Variants in NLRP7 observed in about 807,000 individuals in gnomAD.
NLRP7 encodes the protein NACHT, LRR and PYD domains-containing protein 7.
Under a neutral mutation model 85.5 loss-of-function variants are expected in NLRP7, and 72 were observed. That is an observed-to-expected ratio of 0.84 (90% CI 0.70 to 1.02). The LOEUF is 1.02. Among genes scored for constraint, NLRP7 ranks in the 50% least tolerant of loss-of-function variants. The probability of loss-of-function intolerance (pLI) is 0.00; values close to 1 mark genes in which losing one functional copy is unlikely to be tolerated. For synonymous variants in NLRP7, 550 were observed against 505.2 expected (o/e 1.09, Z -1.19); for missense variants, 1,243 against 1,219.5 (o/e 1.02, Z -0.29).
At chr19:54,950,164 G>A (rs892268035), upstream of NLRP7, among the ~76,000 whole-genome samples, 2 of 151,210 alleles carry the variant, frequency 1.3e-5, no homozygotes, top group East Asian at 1.9e-4. Context: ...GGGTGCATTC[G>A]TGTGCCAGGA....
intron 1 of NLRP7, among the ~76,000 whole-genome samples, chr19:54,944,706 G>A (rs77364487): frequency 0.045 from 6,853 of 152,032 alleles, 534 homozygotes; most frequent in African/African-American, 0.16. Flanking sequence ...GATGGAGCAG[G>A]AAGAGCATGA....
chr19:54,953,933 G>A (rs1338589679), intron 1 of NLRP7, among the ~76,000 whole-genome samples: 1 of 151,918 alleles, frequency 6.6e-6, no homozygotes, highest in Non-Finnish European at 1.5e-5. Flanking sequence ...CGTGAACCCG[G>A]GTGATGGAGC....
At chr19:54,926,784 C>T (rs1177794475) in intron 9 of NLRP7, among the ~76,000 whole-genome samples, 4 of 151,632 alleles carry the variant, frequency 2.6e-5, no homozygotes, top group African/African-American at 4.8e-5. Context: ...GGTGTGGTGG[C>T]GAGCGACTGT....
rs2070290731 is a variant in NLRP7 at position 54,964,966 on chromosome 19, A to G, written c.-77+1074T>C. 2 of 104,142 alleles carry G rather than the reference A, an allele frequency of 1.9e-5. 1 individual carries two copies. The highest frequency in any genetic ancestry group is 5.0e-4 in the South Asian group (2 of 3,996). The allele number at this position is 104,142 out of a possible 1,614,324, so 6.5% of individuals were successfully genotyped here. ...ATAATATACCTGGGGTGATGGGAGAAGGTAGCCAATCACAGCTGAGGCTTC... is the reference window on the plus strand; with the variant it reads ...ATAATATACCTGGGGTGATGGGAGAGGGTAGCCAATCACAGCTGAGGCTTC... On this transcript the variant is annotated intron_variant, in intron 1 of 2. Coordinates refer to the NLRP7 transcript ENST00000587103.
chr19:54,938,880 G>T lies in NLRP7; in HGVS notation c.1931+8C>A. The T allele has an allele frequency of 6.2e-7, 1 of 1,613,888 alleles. No homozygotes were observed. The highest frequency in any genetic ancestry group is 8.5e-7 in the Non-Finnish European group (1 of 1,179,982). On this transcript the variant is annotated splice_region_variant and intron_variant, in intron 4 of 9. Transcript: ENST00000340844. ...TAGTGGAGCGTGGGATGGGAAAACA[G>T]TTCTTACCTTTCAAATTCAATGTCC... is the stretch of plus-strand genomic sequence containing the variant.
At chr19:54,943,471 G>C (rs533413267) in intron 1 of NLRP7, among the ~76,000 whole-genome samples, 13 of 151,976 alleles carry the variant, frequency 8.6e-5, no homozygotes, top group Non-Finnish European at 1.6e-4. Context: ...CGTGGTGGCG[G>C]GCGCCTGTAG....
At chr19:54,930,931 G>A (rs2068650327) in intron 8 of NLRP7, among the ~76,000 whole-genome samples, 1 of 152,082 alleles carries the variant, frequency 6.6e-6, no homozygotes, top group Non-Finnish European at 1.5e-5. Context: ...ACTGAGGCAG[G>A]AGAATCGCTT....
chr19:54,950,661 CA>C (rs2069638854), upstream of NLRP7, among the ~76,000 whole-genome samples: 1 of 151,648 alleles, frequency 6.6e-6, no homozygotes, highest in African/African-American at 2.4e-5. Flanking sequence ...GTCCCACCTC[CA>C]GCCCTAAGGC....
chr19:54,963,805 C>G (rs1331375788), intron 1 of NLRP7, among the ~76,000 whole-genome samples: 1 of 148,820 alleles, frequency 6.7e-6, no homozygotes, highest in Non-Finnish European at 1.5e-5. Flanking sequence ...GCCCGGGCGA[C>G]AGTGCCAGAC....
rs269937 is a variant in NLRP7, at chr19:54,928,104, T to C, written c.2810+2395A>G. On this transcript the variant is annotated intron_variant, in intron 9 of 9. Coordinates refer to ENST00000340844, the Ensembl canonical transcript of NLRP7. ...GCATGGTGGTGTGTGCCTTTAATGC[T>C]AGCTACTTGGGAGGCTGAGGCACAA... Among the ~76,000 whole-genome samples the C allele has an allele frequency of 0.55, 84,160 of 151,642 alleles. 23,569 individuals are homozygous for C. The highest frequency in any genetic ancestry group is 0.72 in the East Asian group (3,682 of 5,142).
At chr19:54,954,247 G>A (rs1251620311) in intron 1 of NLRP7, among the ~76,000 whole-genome samples, 2 of 148,502 alleles carry the variant, frequency 1.3e-5, no homozygotes, top group Non-Finnish European at 1.5e-5. Context: ...TGGGCAACCG[G>A]CCGGGCGCGG....
intron 1 of NLRP7, among the ~76,000 whole-genome samples, chr19:54,965,604 C>T (rs1339970919): frequency 2.9e-5 from 1 of 34,244 alleles, no homozygotes; most frequent in Non-Finnish European, 5.6e-5. Context: ...TACAGGCGCC[C>T]GCCACCACGC....
exon 4 of NLRP7, chr19:54,939,615 A>T (rs767990222): frequency 2.5e-5 from 41 of 1,610,714 alleles, no homozygotes; most frequent in Non-Finnish European, 1.7e-6. Context: ...CCCTGCGGGA[A>T]CCGGCTGCAG....
chr19:54,943,588 G>C (rs375259848), intron 1 of NLRP7, among the ~76,000 whole-genome samples: 1 of 140,692 alleles, frequency 7.1e-6, no homozygotes, highest in East Asian at 2.5e-4. Context: ...GCGACAGAGC[G>C]AGACTCCGTC....
chr19:54,952,609 C>G (rs952974251), intron 1 of NLRP7, among the ~76,000 whole-genome samples: 12 of 151,738 alleles, frequency 7.9e-5, no homozygotes, highest in African/African-American at 2.4e-4. Flanking sequence ...AAAAAAAAAC[C>G]CTAGACCCAA....
At chr19:54,939,244 G>C in exon 4 of NLRP7, 1 of 1,614,224 alleles carries the variant, frequency 6.2e-7, no homozygotes, top group African/African-American at 1.3e-5. Context: ...TCTCGTTAGC[G>C]AGGCCGAATA....
At chr19:54,952,210 G>A (rs1172767361), upstream of NLRP7, among the ~76,000 whole-genome samples, 1 of 151,970 alleles carries the variant, frequency 6.6e-6, no homozygotes, top group Non-Finnish European at 1.5e-5. Flanking sequence ...GTGAGGAATG[G>A]GATCAGCATG....
intron 1 of NLRP7, among the ~76,000 whole-genome samples, chr19:54,945,267 A>G (rs2069419558): frequency 6.7e-6 from 1 of 150,276 alleles, no homozygotes; most frequent in Non-Finnish European, 1.5e-5. Context: ...AAAAGAAAAG[A>G]AAAATTCAGG....
At chr19:54,954,536 A>AAT (rs2069789076) in intron 1 of NLRP7, among the ~76,000 whole-genome samples, 1 of 144,552 alleles carries the variant, frequency 6.9e-6, no homozygotes, top group Non-Finnish European at 1.5e-5. Context: ...CTCAAAAAAA[A>AAT]AAAAAAAAAA....
Sources: gnomAD v4.1 joint callset for allele counts (sites outside exome capture counted in the v4.1 genomes callset) on GRCh38, gnomAD v4.1.1 for gene constraint, MANE v1.5 for transcripts, NCBI Gene and HGNC (gene_info 2026-07-23, HGNC 2026-07-21) for gene names.